TPTE2: variants seen among roughly 807,000 people sequenced by gnomAD.
TPTE2 encodes phosphatidylinositol 3,4,5-trisphosphate 3-phosphatase TPTE2.
TPTE2 carries 53 observed loss-of-function variants against 78.6 expected under a neutral mutation model. The ratio of observed to expected loss-of-function variants is 0.67; its 90% CI spans 0.54 to 0.85. The LOEUF is 0.85. TPTE2 is among the 40% of genes least tolerant of loss of function. TPTE2 has a pLI of 0.00. For synonymous variants in TPTE2, 175 were observed against 206.2 expected, an observed-to-expected ratio of 0.85 and a Z score of 1.30; for missense variants, 461 against 623.0, an observed-to-expected ratio of 0.74 and a Z score of 2.77.
At position 19,424,570 on chromosome 13, in the gene TPTE2, A is replaced by G. The variant is rs150202204; in HGVS notation, c.1466+377T>C. On this transcript the variant is annotated intron_variant, in intron 19 of 19. Coordinates refer to ENST00000400230, the Ensembl canonical transcript of TPTE2. ...AGGTCCTGCCTTACTTTAGCACAAA[A>G]GTTGATGGTGGTTCGTCATTGGTAA... Among the ~76,000 whole-genome samples the G allele has an allele frequency of 1.2e-3, 187 of 152,308 alleles. 1 individual carries two copies. Among genetic ancestry groups the G allele is most frequent in the African/African-American group, 4.1e-3 (171 of 41,570 alleles).
At chr13:19,441,011 T>C (rs905580188) in intron 13 of TPTE2, among the ~76,000 whole-genome samples, 7 of 150,552 alleles carry the variant, frequency 4.6e-5, no homozygotes, top group African/African-American at 1.7e-4. Context: ...CACTTGAACC[T>C]GGGGGGTGGA....
chr13:19,523,975 C>A (rs769267646), intron 1 of TPTE2, among the ~76,000 whole-genome samples: 2 of 152,054 alleles, frequency 1.3e-5, no homozygotes, highest in African/African-American at 4.8e-5. Flanking sequence ...AAATAGGAAT[C>A]GGGGCAATGA....
the TPTE2 span, among the ~76,000 whole-genome samples, chr13:19,556,734 C>T: frequency 2.6e-5 from 4 of 152,128 alleles, no homozygotes; most frequent in Non-Finnish European, 4.4e-5. Context: ...CTATGTTGCC[C>T]AGGCTGGTCT....
intron 13 of TPTE2, among the ~76,000 whole-genome samples, chr13:19,440,448 A>C (rs1877414841): frequency 6.6e-6 from 1 of 152,204 alleles, no homozygotes; most frequent in Admixed American, 6.5e-5. Flanking sequence ...ACACTCAAGA[A>C]ACTAGGAATC....
intron 1 of TPTE2, among the ~76,000 whole-genome samples, chr13:19,519,335 G>GA (rs929123897): frequency 2.0e-5 from 3 of 149,222 alleles, no homozygotes; most frequent in Middle Eastern, 3.4e-3. Flanking sequence ...AAAAGGAAAG[G>GA]AAAAAAAAAG....
At chr13:19,546,259 C>T in the TPTE2 span, among the ~76,000 whole-genome samples, 2 of 152,056 alleles carry the variant, frequency 1.3e-5, no homozygotes, top group East Asian at 1.9e-4. Flanking sequence ...TTCCCAGCCC[C>T]TATTGGGTTA....
chr13:19,538,535 T>C (rs1254047298), upstream of TPTE2, among the ~76,000 whole-genome samples: 1 of 150,682 alleles, frequency 6.6e-6, no homozygotes, highest in Non-Finnish European at 1.5e-5. Flanking sequence ...TTTTCTTTTT[T>C]CTTTATTTTT....
intron 10 of TPTE2, 33 bp downstream of exon 13, chr13:19,464,423 A>C: frequency 6.3e-7 from 1 of 1,582,394 alleles, no homozygotes; most frequent in Non-Finnish European, 8.7e-7. Context: ...ACATTCACTG[A>C]GAAATGAGTA....
At chr13:19,441,558 T>C (rs564745260) in intron 13 of TPTE2, among the ~76,000 whole-genome samples, 254 of 152,334 alleles carry the variant, frequency 1.7e-3, no homozygotes, top group Non-Finnish European at 2.7e-3. Context: ...AAAGAAGTCA[T>C]ACCTTACAAT....
At chr13:19,464,594 A>G in intron 9 of TPTE2, 74 bp from the exon 13 acceptor site, 23 of 1,492,072 alleles carry the variant, frequency 1.5e-5, no homozygotes, top group Admixed American at 4.1e-5. Flanking sequence ...TAATTTATAC[A>G]TGATCAGACT....
At chr13:19,479,570 A>T (rs1318657461) in intron 4 of TPTE2, among the ~76,000 whole-genome samples, 2 of 152,184 alleles carry the variant, frequency 1.3e-5, no homozygotes, top group Non-Finnish European at 2.9e-5. Context: ...AAATACAAAC[A>T]TATTACTCTC....
At chr13:19,426,766 G>A (rs189216163) in intron 17 of TPTE2, among the ~76,000 whole-genome samples, 159 of 151,862 alleles carry the variant, frequency 1.0e-3, no homozygotes, top group East Asian at 3.9e-3. Flanking sequence ...GTGCAGTGGC[G>A]TGATCTCGGC....
chr13:19,544,989 C>A, the TPTE2 span, among the ~76,000 whole-genome samples: 2 of 150,930 alleles, frequency 1.3e-5, no homozygotes, highest in Non-Finnish European at 2.9e-5. Flanking sequence ...CGATAGGCAG[C>A]AAGGACTTAA....
At chr13:19,560,726 C>T in the TPTE2 span, 3 of 1,478,426 alleles carry the variant, frequency 2.0e-6, no homozygotes, top group East Asian at 6.8e-5. Context: ...GTCTGGGGGC[C>T]TCCAGCGACT....
At chr13:19,553,182 T>G in the TPTE2 span, among the ~76,000 whole-genome samples, 3 of 152,186 alleles carry the variant, frequency 2.0e-5, no homozygotes, top group Non-Finnish European at 2.9e-5. Flanking sequence ...ATGCTTTTTA[T>G]GCATTAGTGC....
At chr13:19,510,256 T>TG (rs1243559159) in intron 1 of TPTE2, among the ~76,000 whole-genome samples, 3 of 152,140 alleles carry the variant, frequency 2.0e-5, no homozygotes, top group African/African-American at 7.2e-5. Flanking sequence ...AAGGGATACC[T>TG]GAGGCTGGGT....
At chr13:19,445,057 G>A (rs1877739350) in intron 13 of TPTE2, among the ~76,000 whole-genome samples, 1 of 152,028 alleles carries the variant, frequency 6.6e-6, no homozygotes, top group Admixed American at 6.6e-5. Flanking sequence ...TTCTTAATCA[G>A]GACACAAAAA....
chr13:19,450,492 G>A (rs1878109745), intron 11 of TPTE2, 148 bp from the exon 15 acceptor site: 3 of 743,068 alleles, frequency 4.0e-6, no homozygotes, highest in East Asian at 2.8e-5. Context: ...TAAAATAAAC[G>A]CAAGCATTTC....
chr13:19,490,147 T>G (rs888796542), intron 3 of TPTE2, among the ~76,000 whole-genome samples: 1 of 152,178 alleles, frequency 6.6e-6, no homozygotes, highest in African/African-American at 2.4e-5. Flanking sequence ...GTGCAGTTCT[T>G]TATTACTTCA....
Sources: allele counts gnomAD v4.1 joint callset (sites outside exome capture counted in the v4.1 genomes callset), GRCh38; gene constraint gnomAD v4.1.1; transcripts MANE v1.5; gene names NCBI Gene and HGNC (gene_info 2026-07-23, HGNC 2026-07-21).